The following HDAC6 variants were observed in gnomAD, a reference collection of about 807,000 sequenced individuals.
HDAC6 encodes the protein protein deacetylase HDAC6.
A neutral mutation model predicts 88.9 loss-of-function variants in HDAC6; 5 were observed. The ratio of observed to expected loss-of-function variants is 0.06; its 90% CI spans 0.03 to 0.12. The LOEUF (loss-of-function observed/expected upper bound fraction) is 0.12. Ranked by LOEUF, HDAC6 falls within the 10% of genes least tolerant of loss-of-function variation. The pLI is 1.00. For missense variants in HDAC6, 706 were observed against 1,014.4 expected, an observed-to-expected ratio of 0.70 and a Z score of 4.13; for synonymous variants, 378 against 398.0, an observed-to-expected ratio of 0.95 and a Z score of 0.60.
chrX:48,804,541 T>G (rs1441565442), intron 4 of HDAC6, among the ~76,000 whole-genome samples: 1 of 112,576 alleles, frequency 8.9e-6, no homozygotes, highest in African/African-American at 3.2e-5. Context: ...CTTGTGTGTT[T>G]ACCAATTAAT....
chrX:48,816,749 GGGA>G, intron 19 of HDAC6, 116 bp downstream of exon 19: 1 of 627,756 alleles, frequency 1.6e-6, no homozygotes, highest in Admixed American at 3.9e-5. Context: ...AGGGGCCATG[GGGA>G]GGGGCACGGG....
intron 10 of HDAC6, among the ~76,000 whole-genome samples, chrX:48,810,196 C>G (rs1272758712): frequency 9.1e-6 from 1 of 110,139 alleles, no homozygotes; most frequent in Non-Finnish European, 1.9e-5. Flanking sequence ...CTGCCTCAGC[C>G]TCCCAAGTAG....
At chrX:48,824,434 G>A in intron 28 of HDAC6, 110 bp from the exon 29 acceptor site, 1 of 1,070,926 alleles carries the variant, frequency 9.3e-7, no homozygotes, top group Non-Finnish European at 1.3e-6. Flanking sequence ...GGGGGCTGTG[G>A]GATAGTCCAG....
intron 23 of HDAC6, among the ~76,000 whole-genome samples, 183 bp downstream of exon 23, chrX:48,820,438 A>G (rs2063062297): frequency 8.9e-6 from 1 of 112,703 alleles, no homozygotes; most frequent in Non-Finnish European, 1.9e-5. Flanking sequence ...CACTATGTGC[A>G]GAGCACTCTT....
chrX:48,802,547 A>G (rs1055546679), intron 1 of HDAC6, 116 bp from the exon 2 acceptor site: 53 of 1,119,358 alleles, frequency 4.7e-5, no homozygotes, highest in Non-Finnish European at 6.0e-5. Flanking sequence ...GGAGAATCAG[A>G]TCGCGTAAGG....
intron 19 of HDAC6, 43 bp downstream of exon 19, chrX:48,816,676 T>G (rs1268912461): frequency 7.2e-6 from 8 of 1,106,269 alleles, no homozygotes; most frequent in African/African-American, 2.1e-5. Flanking sequence ...CTGGGGGGAA[T>G]GGAAAAAGAG....
Position 48,808,072 on chromosome X carries a change from C to A in HDAC6, c.672C>A (p.Gly224=). 8.3e-7 allele frequency: 1 copy of A among 1,208,190 alleles called. No homozygotes were observed. Among genetic ancestry groups the A allele is most frequent in the Non-Finnish European group, 1.1e-6 (1 of 893,402 alleles). ...GHHAQHSLMD[G]YCMFNHVAVA... is the part of the protein sequence containing the mutation. ...ACGCCCAGCACAGTCTTATGGATGG[C>A]TATTGCATGTTCAACCACGTGGCTG... Residue 224 remains glycine, a synonymous_variant, in exon 9 of 29, where the codon GGC becomes GGA. Coordinates refer to ENST00000334136, the MANE Select transcript of HDAC6 (RefSeq NM_006044.4).
intron 26 of HDAC6, 39 bp from the exon 27 acceptor site, chrX:48,823,882 TG>T: frequency 8.3e-7 from 1 of 1,201,805 alleles, no homozygotes; most frequent in Non-Finnish European, 1.1e-6. Flanking sequence ...AATGGGGAGA[TG>T]GGGTCTTCAG....
At position 48,808,036 on chromosome X, in the gene HDAC6, T is replaced by C; in HGVS notation, c.636T>C (p.Pro212=). ...EIRNGMAIIR[P]PGHHAQHSLM... ...GTTATTTCCTTGTCTTGCCCAGGCC[T>C]CCTGGACATCACGCCCAGCACAGTC... The change falls in exon 9 of 29, where the codon CCT becomes CCC. Residue 212 remains proline, a synonymous_variant. Coordinates refer to ENST00000334136, the MANE Select transcript of HDAC6 (RefSeq NM_006044.4). 8.3e-7 allele frequency: 1 copy of C among 1,198,040 alleles called. No individual in the cohort carries two copies. The highest frequency in any genetic ancestry group is 2.3e-4 in the Middle Eastern group (1 of 4,322).
intron 3 of HDAC6, 24 bp downstream of exon 3, chrX:48,803,023 T>G: frequency 2.5e-6 from 3 of 1,207,451 alleles, no homozygotes; most frequent in Non-Finnish European, 3.4e-6. Flanking sequence ...GGCTGCAGTT[T>G]AGCCTCGTAT....
chrX:48,822,807 G>C lies in HDAC6; in HGVS notation c.2512+13G>C, dbSNP rs782415406. The stretch of plus-strand genomic sequence containing the variant: ...TTACGGGTCATGAGTGAGTGGATTT[G>C]GGGGTGATGGGGGGAACCCAGGGAA... On this transcript the variant is annotated intron_variant, in intron 24 of 28. Coordinates refer to ENST00000334136, the MANE Select transcript of HDAC6 (RefSeq NM_006044.4). 2.5e-6 allele frequency: 3 copies of C among 1,177,247 alleles called. No homozygotes were observed. The African/African-American group carries it at 5.4e-5, about 21-fold the overall frequency.
In HDAC6 at chrX:48,814,984, C is replaced by T; in HGVS notation, c.1082C>T (p.Ala361Val). 8.3e-7 allele frequency: 1 copy of T among 1,209,510 alleles called. No individual in the cohort carries two copies. Among genetic ancestry groups the T allele is most frequent in the East Asian group, 3.0e-5 (1 of 33,772 alleles). The change falls in exon 14 of 29, where the codon GCA (alanine) becomes GTA (valine). Residue 361 changes from alanine to valine, a missense_variant. Around this residue, in one of 9 missense-constraint regions of HDAC6, gnomAD observed 106 missense variants for 135.1 expected, o/e 0.78. Coordinates refer to ENST00000334136, the MANE Select transcript of HDAC6 (RefSeq NM_006044.4). ...CAGGGTGAGATGGCCGCCACTCCGG[C>T]AGGGTTCGCCCAGCTAACCCACCTG... is the stretch of plus-strand genomic sequence containing the variant. ...DPKGEMAATP[A>V]GFAQLTHLLM... is the part of the protein sequence containing the mutation.
Position 48,818,205 on chromosome X carries a change from C to T in HDAC6, c.1995-15C>T, listed in dbSNP as rs1238315735. 5 of 1,175,662 alleles carry T rather than the reference C, an allele frequency of 4.3e-6. No individual in the cohort carries two copies. Among genetic ancestry groups the T allele is most frequent in the Non-Finnish European group, 5.7e-6 (5 of 876,049 alleles). ...CTAACCAGCCATGGTCCGCTTCCCA[C>T]CCCCTCCCTGGCAGTGTGCTATATG... On this transcript the variant is annotated splice_polypyrimidine_tract_variant and intron_variant, in intron 21 of 28. Transcript: ENST00000334136.
At chrX:48,801,904 G>T (rs1557022411), upstream of HDAC6, 3 of 972,456 alleles carry the variant, frequency 3.1e-6, no homozygotes, top group South Asian at 2.0e-5. Flanking sequence ...GCGAGCCAAG[G>T]GCGGAGTTTG....
chrX:48,805,839 A>G, intron 6 of HDAC6, 168 bp downstream of exon 6: 1 of 462,422 alleles, frequency 2.2e-6, no homozygotes, highest in Non-Finnish European at 3.8e-6. Flanking sequence ...ACCAGTAAAC[A>G]TAAGTTCCTC....
rs1283133508 is a variant in HDAC6, at chrX:48,824,527, T to C, written c.3580-17T>C. 3.3e-6 allele frequency: 4 copies of C among 1,199,476 alleles called. No homozygotes were observed. Among genetic ancestry groups the C allele is most frequent in the Non-Finnish European group, 4.5e-6 (4 of 886,856 alleles). On this transcript the variant is annotated splice_polypyrimidine_tract_variant and intron_variant, in intron 28 of 28. Transcript: ENST00000334136. ...CCTCACTCTCTCTCACCTGCCCTAT[T>C]CTTGCCTCCTCCTCAGGCTCTCCTA...
At chrX:48,807,659 C>T (rs2062838662) in intron 8 of HDAC6, among the ~76,000 whole-genome samples, 1 of 111,737 alleles carries the variant, frequency 8.9e-6, no homozygotes, top group South Asian at 3.7e-4. Context: ...ACTACAGTCG[C>T]CCGCCACCAC....
At chrX:48,816,683 A>G in intron 19 of HDAC6, 50 bp downstream of exon 19, 1 of 1,042,703 alleles carries the variant, frequency 9.6e-7, no homozygotes, top group African/African-American at 1.9e-5. Context: ...GAATGGAAAA[A>G]GAGAGCCATC....
At chrX:48,819,928 T>A (rs1557029140) in intron 22 of HDAC6, 178 bp from the exon 23 acceptor site, 1 of 522,421 alleles carries the variant, frequency 1.9e-6, no homozygotes, top group Non-Finnish European at 3.4e-6. Context: ...CTTCCCTTCT[T>A]CATTTTCAGT....
Sources: allele counts gnomAD v4.1 joint callset (sites outside exome capture counted in the v4.1 genomes callset), GRCh38; gene constraint gnomAD v4.1.1; regional missense constraint gnomAD v4.1.1; transcripts MANE v1.5; gene names NCBI Gene and HGNC (gene_info 2026-07-23, HGNC 2026-07-21).